The following RNF187 variants were observed in gnomAD, a reference collection of about 807,000 sequenced individuals.
RNF187 encodes the protein ring finger protein 187.
A neutral mutation model predicts 22.2 loss-of-function variants in RNF187; 18 were observed. The observed-to-expected ratio is 0.81, with a 90% confidence interval of 0.56 to 1.20. The LOEUF is 1.20. RNF187 is among the 50% of genes most tolerant of loss of function. The pLI is 0.00. For synonymous variants in RNF187, 164 were observed against 140.9 expected, an observed-to-expected ratio of 1.16 and a Z score of -1.16; for missense variants, 329 against 317.6, an observed-to-expected ratio of 1.04 and a Z score of -0.27.
rs956395281 is a variant in RNF187, at chr1:228,488,964, A to G, written c.395A>G (p.Asn132Ser). The G allele has an allele frequency of 1.1e-5, 17 of 1,551,134 alleles. No individual in the cohort carries two copies. Among genetic ancestry groups the G allele is most frequent in the African/African-American group, 1.4e-5 (1 of 73,052 alleles). The stretch of plus-strand genomic sequence containing the variant: ...GTGACCTTCTTTTCTTTACAGGAGA[A>G]CAAGGGGTCTGTGGAAATCATGAGA... The change falls in exon 2 of 4, where the codon AAC (asparagine) becomes AGC (serine). Residue 132 changes from asparagine to serine, a missense_variant. By Grantham distance (46) the Asn-to-Ser change is conservative (BLOSUM62 1). Coordinates refer to ENST00000305943, the MANE Select transcript of RNF187 (RefSeq NM_001010858.3).
At position 228,495,088 on chromosome 1, in the gene RNF187, T is replaced by C; in HGVS notation, c.*1203T>C. ...TAAAGCATGGTGAGGAGGACTTTGATTGGGACCATTGAGATGGGTGTGGGA... is the reference window on the plus strand; with the variant it reads ...TAAAGCATGGTGAGGAGGACTTTGACTGGGACCATTGAGATGGGTGTGGGA... On this transcript the variant is annotated 3_prime_UTR_variant, in exon 4 of 4. Coordinates refer to ENST00000305943, the MANE Select transcript of RNF187 (RefSeq NM_001010858.3). 2 of 950,568 alleles carry C rather than the reference T, an allele frequency of 2.1e-6. No homozygotes were observed. The highest frequency in any genetic ancestry group is 2.3e-4 in the East Asian group (2 of 8,650). 58.9% of individuals were successfully genotyped at this position (950,568 alleles called of 1,614,324 possible). A position where few individuals can be genotyped will look rare whatever the true frequency, so the allele number is the denominator to read the frequency against.
Position 228,493,382 on chromosome 1 carries a change from G to A in RNF187, c.705+108G>A. 2.7e-6 allele frequency: 4 copies of A among 1,462,314 alleles called. No individual in the cohort carries two copies. The highest frequency in any genetic ancestry group is 3.6e-6 in the Non-Finnish European group (4 of 1,106,422). 90.6% of individuals were successfully genotyped at this position (1,462,314 alleles called of 1,614,324 possible). A position where few individuals can be genotyped will look rare whatever the true frequency, so the allele number is the denominator to read the frequency against. ...AAGTCAAGGCTTAAAAGCCCAGCCT[G>A]ACTCCCACTGCCGTGGCCTTGCAGG... On this transcript the variant is annotated intron_variant, in intron 3 of 3. Coordinates refer to ENST00000305943, the MANE Select transcript of RNF187 (RefSeq NM_001010858.3). This position sits in a 1 kb window ranked among gnomAD's most constrained non-coding sequence, Gnocchi z 4.7.
Position 228,494,292 on chromosome 1 carries a change from G to A in RNF187, c.*407G>A. On this transcript the variant is annotated 3_prime_UTR_variant, in exon 4 of 4. Coordinates refer to ENST00000305943, the MANE Select transcript of RNF187 (RefSeq NM_001010858.3). ...GCAGGTACCTGAGGTGCACCATTGA[G>A]TGTCGGATTTGGGGTTAGCATCCAG... 1.8e-6 allele frequency: 2 copies of A among 1,124,218 alleles called. No individual in the cohort carries two copies. The highest frequency in any genetic ancestry group is 3.2e-5 in the African/African-American group (2 of 63,280). 69.6% of individuals were successfully genotyped at this position (1,124,218 alleles called of 1,614,324 possible).
In RNF187 at chr1:228,493,936, C is replaced by T; in HGVS notation, c.*51C>T. On this transcript the variant is annotated 3_prime_UTR_variant, in exon 4 of 4. Coordinates refer to ENST00000305943, the MANE Select transcript of RNF187 (RefSeq NM_001010858.3). The surrounding 1 kb of genome is among the most constrained non-coding windows in gnomAD (Gnocchi z 4.7). ...AGCTGGAGGCAGGAGGATGGATCCTCATCTCCATGGGAAGTGTCAGCGTGT... is the reference window on the plus strand; with the variant it reads ...AGCTGGAGGCAGGAGGATGGATCCTTATCTCCATGGGAAGTGTCAGCGTGT... 1 of 1,551,744 alleles carries T rather than the reference C, an allele frequency of 6.4e-7. No homozygotes were observed. Among genetic ancestry groups the T allele is most frequent in the Non-Finnish European group, 8.7e-7 (1 of 1,146,992 alleles).
Position 228,487,779 on chromosome 1 carries a change from CCG to C in RNF187, c.295_296del (p.Ala99ArgfsTer46). 9.2e-7 allele frequency: 1 copy of C among 1,084,424 alleles called. No homozygotes were observed. Among genetic ancestry groups the C allele is most frequent in the Non-Finnish European group, 1.1e-6 (1 of 894,432 alleles). 67.2% of individuals were successfully genotyped at this position (1,084,424 alleles called of 1,614,324 possible). On this transcript the variant is annotated frameshift_variant, in exon 1 of 4. Coordinates refer to ENST00000305943, the MANE Select transcript of RNF187 (RefSeq NM_001010858.3). LOFTEE classifies it high-confidence loss of function. ...GCGAGGCCGCGCTGCAGCTGCTGTG[CCG>C]CGCCGACGCCGGCCCGCTCTGCGCC... is the stretch of plus-strand genomic sequence containing the variant.
chr1:228,490,114 C>G, intron 2 of RNF187, among the ~76,000 whole-genome samples: 8 of 152,210 alleles, frequency 5.3e-5, no homozygotes, highest in Non-Finnish European at 1.5e-5. Context: ...TTCTTTTAAC[C>G]TGAAAGACAG....
intron 2 of RNF187, among the ~76,000 whole-genome samples, chr1:228,490,038 G>T: frequency 6.6e-6 from 1 of 152,228 alleles, no homozygotes; most frequent in Non-Finnish European, 1.5e-5. Context: ...TCTATTTGGT[G>T]ACTTTTTCCT....
At position 228,487,389 on chromosome 1, in the gene RNF187, T is replaced by A. The variant is rs934836566; in HGVS notation, c.-100T>A. The A allele has an allele frequency of 7.9e-6, 8 of 1,013,356 alleles. No homozygotes were observed. The African/African-American group carries it at 1.1e-4, about 14-fold the overall frequency. 62.8% of individuals were successfully genotyped at this position (1,013,356 alleles called of 1,614,324 possible). ...CCCGTGCGCGTCCCCGGCGTTGGCGTCTTCGTCCTGTTGCTGGTCTCCGTC... is the reference window on the plus strand; with the variant it reads ...CCCGTGCGCGTCCCCGGCGTTGGCGACTTCGTCCTGTTGCTGGTCTCCGTC... On this transcript the variant is annotated 5_prime_UTR_variant, in exon 1 of 4. Transcript: ENST00000305943.
chr1:228,491,387 CAAAAAA>C, intron 2 of RNF187, among the ~76,000 whole-genome samples: 2 of 75,578 alleles, frequency 2.6e-5, no homozygotes, highest in Non-Finnish European at 2.4e-5. Context: ...GGCCCTATCT[CAAAAAA>C]AAAAAAAAAA....
intron 2 of RNF187, among the ~76,000 whole-genome samples, chr1:228,491,648 C>T: frequency 1.3e-5 from 2 of 152,004 alleles, no homozygotes; most frequent in East Asian, 3.9e-4. Context: ...CCATGTTGGC[C>T]AGGCTGGTCT....
Position 228,495,659 on chromosome 1 carries a change from G to T in RNF187, c.*1774G>T. On this transcript the variant is annotated 3_prime_UTR_variant, in exon 4 of 4. Transcript: ENST00000305943. ...TCAGTGTCTCCACATCACCAGGTCC[G>T]ACAGTGGCTTCACCATCCTCACCTA... 3,112 of 985,580 alleles carry T rather than the reference G, an allele frequency of 3.2e-3. 82 individuals are homozygous for T. The African/African-American group carries it at 0.051, about 16-fold the overall frequency. The allele number at this position is 985,580 out of a possible 1,614,324, so 61.1% of individuals were successfully genotyped here. A position where few individuals can be genotyped will look rare whatever the true frequency, so the allele number is the denominator to read the frequency against.
intron 2 of RNF187, among the ~76,000 whole-genome samples, chr1:228,489,313 CT>C: frequency 2.4e-4 from 36 of 150,336 alleles, no homozygotes; most frequent in African/African-American, 7.3e-4. Context: ...CATCAGACTT[CT>C]TTTTTTTTTC....
chr1:228,495,736 T>C lies in RNF187; in HGVS notation c.*1851T>C. 1.0e-6 allele frequency: 1 copy of C among 985,306 alleles called. No homozygotes were observed. The highest frequency in any genetic ancestry group is 1.2e-6 in the Non-Finnish European group (1 of 829,746). The allele number at this position is 985,306 out of a possible 1,614,324, so 61.0% of individuals were successfully genotyped here. A position where few individuals can be genotyped will look rare whatever the true frequency, so the allele number is the denominator to read the frequency against. On this transcript the variant is annotated 3_prime_UTR_variant, in exon 4 of 4. Coordinates refer to ENST00000305943, the MANE Select transcript of RNF187 (RefSeq NM_001010858.3). ...CTGTCAATCACAACCTCTTTCTATT[T>C]AAGAAAATTATATATTTATGGGGCA...
rs1658873876 is a variant in RNF187, at chr1:228,487,808, C to G, written c.320C>G (p.Ala107Gly). 1.7e-6 allele frequency: 2 copies of G among 1,168,296 alleles called. No individual in the cohort carries two copies. Among genetic ancestry groups the G allele is most frequent in the Non-Finnish European group, 2.1e-6 (2 of 945,608 alleles). The allele number at this position is 1,168,296 out of a possible 1,614,324, so 72.4% of individuals were successfully genotyped here. Reference sequence around the variant, plus strand: ...GCCGACGCCGGCCCGCTCTGCGCCGCCTGCCGTATGGCTGCGGGCCCCGAG... The same window carrying G: ...GCCGACGCCGGCCCGCTCTGCGCCGGCTGCCGTATGGCTGCGGGCCCCGAG... The change falls in exon 1 of 4, where the codon GCC (alanine) becomes GGC (glycine). Residue 107 changes from alanine to glycine, a missense_variant. Coordinates refer to ENST00000305943, the MANE Select transcript of RNF187 (RefSeq NM_001010858.3).
chr1:228,487,407 T>C lies in RNF187; in HGVS notation c.-82T>C. 1 of 1,074,462 alleles carries C rather than the reference T, an allele frequency of 9.3e-7. No homozygotes were observed. Among genetic ancestry groups the C allele is most frequent in the Non-Finnish European group, 1.1e-6 (1 of 888,856 alleles). 66.6% of individuals were successfully genotyped at this position (1,074,462 alleles called of 1,614,324 possible). On this transcript the variant is annotated 5_prime_UTR_variant, in exon 1 of 4. Coordinates refer to ENST00000305943, the MANE Select transcript of RNF187 (RefSeq NM_001010858.3). ...GTTGGCGTCTTCGTCCTGTTGCTGGTCTCCGTCCGGTCGCCGGCCGTCTAG... is the reference window on the plus strand; with the variant it reads ...GTTGGCGTCTTCGTCCTGTTGCTGGCCTCCGTCCGGTCGCCGGCCGTCTAG...
At position 228,487,414 on chromosome 1, in the gene RNF187, C is replaced by T. The variant is rs1432109457; in HGVS notation, c.-75C>T. ...TCTTCGTCCTGTTGCTGGTCTCCGT[C>T]CGGTCGCCGGCCGTCTAGGTCTCCG... On this transcript the variant is annotated 5_prime_UTR_variant, in exon 1 of 4. Coordinates refer to ENST00000305943, the MANE Select transcript of RNF187 (RefSeq NM_001010858.3). 1.9e-6 allele frequency: 2 copies of T among 1,075,128 alleles called. No homozygotes were observed. Among genetic ancestry groups the T allele is most frequent in the African/African-American group, 1.7e-5 (1 of 58,634 alleles). The allele number at this position is 1,075,128 out of a possible 1,614,324, so 66.6% of individuals were successfully genotyped here. A position where few individuals can be genotyped will look rare whatever the true frequency, so the allele number is the denominator to read the frequency against.
In RNF187 at chr1:228,494,067, T is replaced by C; in HGVS notation, c.*182T>C. The C allele has an allele frequency of 5.3e-6, 8 of 1,499,774 alleles. No individual in the cohort carries two copies. The highest frequency in any genetic ancestry group is 7.1e-6 in the Non-Finnish European group (8 of 1,124,994). 92.9% of individuals were successfully genotyped at this position (1,499,774 alleles called of 1,614,324 possible). On this transcript the variant is annotated 3_prime_UTR_variant, in exon 4 of 4. Transcript: ENST00000305943. The stretch of plus-strand genomic sequence containing the variant: ...TCACCCCGAGGCGTGTTTTGGGGGC[T>C]GCAAACACCTCCCGGTAGAGGCTGG...
At position 228,495,365 on chromosome 1, in the gene RNF187, A is replaced by C; in HGVS notation, c.*1480A>C. 9.9e-6 allele frequency: 6 copies of C among 608,914 alleles called. No individual in the cohort carries two copies. The highest frequency in any genetic ancestry group is 1.2e-5 in the Non-Finnish European group (6 of 486,360). 37.7% of individuals were successfully genotyped at this position (608,914 alleles called of 1,614,324 possible). On this transcript the variant is annotated 3_prime_UTR_variant, in exon 4 of 4. Transcript: ENST00000305943. ...TTGAGGGTGGTCAGATATTATGGTT[A>C]ACCAAATTAGGGTTCTTGCTAAAAC...
chr1:228,494,032 C>A lies in RNF187; in HGVS notation c.*147C>A. On this transcript the variant is annotated 3_prime_UTR_variant, in exon 4 of 4. Coordinates refer to ENST00000305943, the MANE Select transcript of RNF187 (RefSeq NM_001010858.3). Reference sequence around the variant, plus strand: ...CATAGTTGCGTGTTTCAACAATGTCCATTTATCCTTCACCCCGAGGCGTGT... The same window carrying A: ...CATAGTTGCGTGTTTCAACAATGTCAATTTATCCTTCACCCCGAGGCGTGT... 6.5e-7 allele frequency: 1 copy of A among 1,541,308 alleles called. No individual in the cohort carries two copies. The highest frequency in any genetic ancestry group is 1.2e-5 in the South Asian group (1 of 83,426).
Sources: allele counts gnomAD v4.1 joint callset (sites outside exome capture counted in the v4.1 genomes callset), GRCh38; gene constraint gnomAD v4.1.1; non-coding constraint Gnocchi (gnomAD v3.1); transcripts MANE v1.5; gene names NCBI Gene and HGNC (gene_info 2026-07-23, HGNC 2026-07-21).